XPO6: variants seen among roughly 807,000 people sequenced by gnomAD.
XPO6 encodes exportin-6.
Under a neutral mutation model 130.0 loss-of-function variants are expected in XPO6, and 3 were observed. The ratio of observed to expected loss-of-function variants is 0.02; its 90% CI spans 0.01 to 0.06. The LOEUF (loss-of-function observed/expected upper bound fraction) is 0.06, where lower values mean the gene tolerates loss of function less well. XPO6 is among the 10% of genes least tolerant of loss of function. The probability of loss-of-function intolerance (pLI) is 1.00; values close to 1 mark genes in which losing one functional copy is unlikely to be tolerated. For missense variants in XPO6, 970 were observed against 1,393.0 expected (o/e 0.70, Z 4.83); for synonymous variants, 524 against 548.9 (o/e 0.95, Z 0.63).
At chr16:28,164,296 T>G (rs1567633054) in intron 6 of XPO6, among the ~76,000 whole-genome samples, 1 of 152,216 alleles carries the variant, frequency 6.6e-6, no homozygotes. Flanking sequence ...GCAAAACAAC[T>G]TTCTGGAAGT....
chr16:28,118,017 A>G (rs544431317), intron 14 of XPO6, among the ~76,000 whole-genome samples: 11 of 152,378 alleles, frequency 7.2e-5, no homozygotes, highest in Non-Finnish European at 8.8e-5. Context: ...ATACATCAAA[A>G]AAGTATGCAA....
chr16:28,198,938 G>C (rs1016847426), intron 1 of XPO6, among the ~76,000 whole-genome samples: 10 of 152,122 alleles, frequency 6.6e-5, no homozygotes, highest in African/African-American at 2.4e-4. Flanking sequence ...GAGGTTGAGA[G>C]TTTGAGACCA....
At chr16:28,180,176 T>A (rs2043592889) in intron 2 of XPO6, among the ~76,000 whole-genome samples, 2 of 152,044 alleles carry the variant, frequency 1.3e-5, no homozygotes, top group African/African-American at 4.8e-5. Context: ...CCCACCTGGC[T>A]AATACGGTGA....
intron 17 of XPO6, among the ~76,000 whole-genome samples, chr16:28,110,670 T>C (rs2086897013): frequency 6.6e-6 from 1 of 152,228 alleles, no homozygotes; most frequent in Non-Finnish European, 1.5e-5. Context: ...ATGCAAGCCC[T>C]GGGCAAGTTC....
chr16:28,182,780 AC>A (rs1302555324), intron 1 of XPO6, among the ~76,000 whole-genome samples: 1 of 152,214 alleles, frequency 6.6e-6, no homozygotes, highest in Admixed American at 6.5e-5. Flanking sequence ...CACTGTTCTC[AC>A]TGACTTTATA....
chr16:28,184,644 C>T (rs1321494703), intron 1 of XPO6, among the ~76,000 whole-genome samples: 1 of 148,908 alleles, frequency 6.7e-6, no homozygotes, highest in Non-Finnish European at 1.5e-5. Flanking sequence ...TTTGGACAGG[C>T]AAATAATTAA....
chr16:28,203,279 A>T (rs1318022716), intron 1 of XPO6, among the ~76,000 whole-genome samples: 1 of 151,824 alleles, frequency 6.6e-6, no homozygotes. Context: ...CCATCTCAAA[A>T]AAAAAAAAAA....
In XPO6 at chr16:28,106,151, A is replaced by G. The variant is rs1175466409; in HGVS notation, c.2676T>C (p.Phe892=). 3 of 1,614,142 alleles carry G rather than the reference A, an allele frequency of 1.9e-6. No homozygotes were observed. The Admixed American group carries it at 5.0e-5, about 27-fold the overall frequency. Residue 892 remains phenylalanine (F), a synonymous_variant, in exon 20 of 24, where the codon TTT becomes TTC. Coordinates refer to ENST00000304658, the MANE Select transcript of XPO6 (RefSeq NM_015171.4). This position sits in a 1 kb window ranked among gnomAD's most constrained non-coding sequence, Gnocchi z 4.2. ...GSTGCRVVEK[F]LKILQVVVQE... ...GGACCACCACCTGCAGGATCTTCAG[A>G]AACTTCTCCACCACCCGGCAGCCTG... is the stretch of plus-strand genomic sequence containing the variant.
chr16:28,104,518 C>G, intron 21 of XPO6, 28 bp downstream of exon 21: 2 of 1,612,694 alleles, frequency 1.2e-6, no homozygotes, highest in Non-Finnish European at 1.7e-6. Flanking sequence ...GAGGAAGTCA[C>G]CTGGCAGCAA....
intron 8 of XPO6, among the ~76,000 whole-genome samples, chr16:28,147,597 C>T (rs943497390): frequency 7.9e-5 from 12 of 152,072 alleles, no homozygotes; most frequent in East Asian, 3.9e-4. Flanking sequence ...ACAATATCCA[C>T]GACATGAAGT....
chr16:28,151,940 T>G (rs2043098704), intron 8 of XPO6, among the ~76,000 whole-genome samples: 1 of 152,186 alleles, frequency 6.6e-6, no homozygotes. Context: ...TATCTAAAAT[T>G]GTACTGTGGT....
intron 2 of XPO6, among the ~76,000 whole-genome samples, chr16:28,178,388 T>C (rs1052185619): frequency 1.3e-5 from 2 of 150,408 alleles, no homozygotes; most frequent in African/African-American, 4.9e-5. Flanking sequence ...TGGGCAACAC[T>C]GAGACCCTGT....
At chr16:28,152,946 C>A (rs965111136) in intron 7 of XPO6, 161 bp from the exon 8 acceptor site, 2 of 1,332,096 alleles carry the variant, frequency 1.5e-6, no homozygotes, top group Non-Finnish European at 9.5e-7. Flanking sequence ...GACAGGCAAC[C>A]CTTCATTCCA....
intron 1 of XPO6, among the ~76,000 whole-genome samples, chr16:28,208,011 C>T (rs1184668384): frequency 1.5e-3 from 2 of 1,310 alleles, no homozygotes; most frequent in African/African-American, 3.2e-3. Flanking sequence ...AAAAAACTAG[C>T]TGGGCGTGCC....
chr16:28,147,391 G>A (rs1209430648), intron 8 of XPO6, among the ~76,000 whole-genome samples: 2 of 151,322 alleles, frequency 1.3e-5, no homozygotes, highest in African/African-American at 2.4e-5. Flanking sequence ...AGTGAGACTC[G>A]GTGTGTATAT....
At chr16:28,186,849 AC>A (rs1489283456) in intron 1 of XPO6, among the ~76,000 whole-genome samples, 1 of 151,940 alleles carries the variant, frequency 6.6e-6, no homozygotes, top group East Asian at 1.9e-4. Flanking sequence ...ATTATTCTAA[AC>A]CTAGCTTTAA....
chr16:28,187,847 T>C (rs1299517856), intron 1 of XPO6, among the ~76,000 whole-genome samples: 1 of 151,978 alleles, frequency 6.6e-6, no homozygotes, highest in East Asian at 1.9e-4. Flanking sequence ...TGTGACTCTT[T>C]ACATTTTCCC....
intron 5 of XPO6, among the ~76,000 whole-genome samples, chr16:28,168,482 C>CA (rs1242808434): frequency 6.8e-6 from 1 of 147,388 alleles, no homozygotes; most frequent in Non-Finnish European, 1.5e-5. Context: ...CATCCTGTCT[C>CA]AAAAAAAGGA....
intron 1 of XPO6, among the ~76,000 whole-genome samples, chr16:28,198,588 G>A (rs557807318): frequency 2.6e-5 from 4 of 151,404 alleles, no homozygotes; most frequent in South Asian, 2.1e-4. Context: ...AGGACTGCTC[G>A]AGCCCAGGAT....
Sources: gnomAD v4.1 joint callset for allele counts (sites outside exome capture counted in the v4.1 genomes callset) on GRCh38, gnomAD v4.1.1 for gene constraint, Gnocchi (gnomAD v3.1) non-coding constraint, MANE v1.5 for transcripts, NCBI Gene and HGNC (gene_info 2026-07-23, HGNC 2026-07-21) for gene names.